PCLO: variants seen among roughly 807,000 people sequenced by gnomAD.
The protein encoded by PCLO is piccolo presynaptic cytomatrix protein.
PCLO carries 82 observed loss-of-function variants against 427.5 expected under a neutral mutation model. The observed-to-expected ratio is 0.19, with a 90% CI of 0.16 to 0.23. The LOEUF (loss-of-function observed/expected upper bound fraction) is 0.23, where lower values mean the gene tolerates loss of function less well. Among genes scored for constraint, PCLO ranks in the 10% least tolerant of loss-of-function variants. PCLO has a pLI of 1.00. For synonymous variants in PCLO, 2,357 were observed against 2,155.4 expected, an observed-to-expected ratio of 1.09 and a Z score of -2.59; for missense variants, 6,239 against 6,115.9, an observed-to-expected ratio of 1.02 and a Z score of -0.67.
chr7:82,794,491 A>G, intron 22 of PCLO, among the ~76,000 whole-genome samples: 1 of 11,994 alleles, frequency 8.3e-5, no homozygotes, highest in African/African-American at 1.3e-4. Flanking sequence ...TTTTTTTTTG[A>G]GACACAGTCT....
chr7:83,154,775 A>G lies in PCLO; in HGVS notation c.1866T>C (p.Gly622=), dbSNP rs1293518036. ...ECQTTVCSLC[G]FNPNPHLTEV... is the part of the protein sequence containing the mutation. ...CCGTTAAATGAGGATTGGGATTAAA[A>G]CCACAGAGACTACAGACAGTGGTTT... is the stretch of plus-strand genomic sequence containing the variant. Residue 622 remains glycine, a synonymous_variant, in exon 2 of 25, where the codon GGT becomes GGC. Coordinates refer to ENST00000333891, the MANE Select transcript of PCLO (RefSeq NM_033026.6). The G allele has an allele frequency of 1.2e-5, 20 of 1,613,942 alleles. No individual in the cohort carries two copies. Among genetic ancestry groups the G allele is most frequent in the Non-Finnish European group, 1.6e-5 (19 of 1,179,830 alleles).
At position 82,916,351 on chromosome 7, in the gene PCLO, C is replaced by G; in HGVS notation, c.11635G>C (p.Val3879Leu). ...TGTGTGTAAGGACTTGTCGGAGGAA[C>G]TAGTTGAGATTCTGTTTGGGTTTGT... is the stretch of plus-strand genomic sequence containing the variant. ...PPQTQTESQL[V>L]PPTSPYTQYQ... The change falls in exon 7 of 25, where the codon GTT becomes CTT. Residue 3879 changes from valine to leucine, a missense_variant. Transcript: ENST00000333891. 6.2e-7 allele frequency: 1 copy of G among 1,613,608 alleles called. No individual in the cohort carries two copies. Among genetic ancestry groups the G allele is most frequent in the Non-Finnish European group, 8.5e-7 (1 of 1,179,726 alleles).
chr7:82,855,234 T>C (rs753387491), intron 10 of PCLO, among the ~76,000 whole-genome samples: 5 of 152,154 alleles, frequency 3.3e-5, no homozygotes, highest in Non-Finnish European at 7.4e-5. Context: ...TAATGTTATA[T>C]AGTAAGCAAG....
intron 9 of PCLO, among the ~76,000 whole-genome samples, chr7:82,881,618 A>C (rs961423188): frequency 6.6e-6 from 1 of 152,144 alleles, no homozygotes; most frequent in Non-Finnish European, 1.5e-5. Context: ...AATTTTCAAC[A>C]ATTACTGTTC....
intron 3 of PCLO, among the ~76,000 whole-genome samples, chr7:83,019,126 GTGAA>G (rs1452272693): frequency 2.0e-4 from 30 of 151,942 alleles, no homozygotes; most frequent in Non-Finnish European, 4.1e-4. Context: ...GAGTGAATGA[GTGAA>G]TGAATAAGTG....
intron 22 of PCLO, among the ~76,000 whole-genome samples, chr7:82,795,412 T>C (rs1583983467): frequency 6.6e-6 from 1 of 152,296 alleles, no homozygotes; most frequent in East Asian, 1.9e-4. Flanking sequence ...ACCTGTAATG[T>C]AAATGGTGTT....
chr7:83,089,799 T>C (rs2116433353), intron 3 of PCLO, among the ~76,000 whole-genome samples: 1 of 152,290 alleles, frequency 6.6e-6, no homozygotes, highest in East Asian at 1.9e-4. Flanking sequence ...TACTACATCA[T>C]GTCTTGTCAT....
intron 2 of PCLO, among the ~76,000 whole-genome samples, chr7:83,153,677 A>G (rs2116680841): frequency 6.6e-6 from 1 of 152,256 alleles, no homozygotes. Context: ...AGGCTATTAG[A>G]TCTCTTACAA....
In PCLO at chr7:82,794,459, C is replaced by CTGTTTTTTTTTTTTTTTTTTTT. The variant is rs1554333552; in HGVS notation, c.15007+7058_15007+7059insAAAAAAAAAAAAAAAAAAAACA. ...ACATGCTAGTTCATAAATTTTTTTT[C>CTGTTTTTTTTTTTTTTTTTTTT]TTTTTTTTTTTTTTTTTTTTTTTTT... On this transcript the variant is annotated intron_variant, in intron 22 of 24. Coordinates refer to ENST00000333891, the MANE Select transcript of PCLO (RefSeq NM_033026.6). Among the ~76,000 whole-genome samples the CTGTTTTTTTTTTTTTTTTTTTT allele has an allele frequency of 1.2e-3, 69 of 56,372 alleles. 11 individuals are homozygous for CTGTTTTTTTTTTTTTTTTTTTT. Among genetic ancestry groups the CTGTTTTTTTTTTTTTTTTTTTT allele is most frequent in the Non-Finnish European group, 2.3e-3 (57 of 24,448 alleles). The allele number at this position is 56,372 out of a possible 152,430, so 37.0% of individuals were successfully genotyped here. A position where few individuals can be genotyped will look rare whatever the true frequency, so the allele number is the denominator to read the frequency against.
At chr7:82,792,035 G>T (rs1180100423) in intron 22 of PCLO, among the ~76,000 whole-genome samples, 1 of 151,784 alleles carries the variant, frequency 6.6e-6, no homozygotes, top group Non-Finnish European at 1.5e-5. Flanking sequence ...TTCCTCCAGA[G>T]ATTTTGTATT....
intron 22 of PCLO, among the ~76,000 whole-genome samples, chr7:82,763,225 T>A (rs962287115): frequency 4.0e-4 from 61 of 152,058 alleles, no homozygotes; most frequent in African/African-American, 1.5e-3. Flanking sequence ...ATAAATAAAG[T>A]GTCTACTAGC....
intron 3 of PCLO, among the ~76,000 whole-genome samples, chr7:83,070,664 G>C (rs1400986396): frequency 6.6e-6 from 1 of 152,202 alleles, no homozygotes; most frequent in African/African-American, 2.4e-5. Context: ...TGGGATTACA[G>C]GCGTGAGCCA....
At chr7:82,846,014 CATA>C (rs1175306450) in intron 12 of PCLO, among the ~76,000 whole-genome samples, 1 of 151,976 alleles carries the variant, frequency 6.6e-6, no homozygotes, top group East Asian at 1.9e-4. Flanking sequence ...ATTTATTAAA[CATA>C]GGAAAAAGTG....
intron 22 of PCLO, among the ~76,000 whole-genome samples, chr7:82,779,730 T>TTTTC (rs1223153649): frequency 5.7e-5 from 8 of 140,556 alleles, no homozygotes; most frequent in Non-Finnish European, 9.3e-5. Context: ...CTATATTTTT[T>TTTTC]TTTCTTTCTT....
At chr7:82,847,050 A>G (rs1277191128) in intron 11 of PCLO, 89 bp downstream of exon 11, 7 of 655,244 alleles carry the variant, frequency 1.1e-5, no homozygotes, top group South Asian at 5.7e-5. Context: ...AAATCTTGCT[A>G]ACTGGCAAAG....
intron 3 of PCLO, among the ~76,000 whole-genome samples, chr7:83,076,273 C>T (rs1789949296): frequency 6.6e-6 from 1 of 151,718 alleles, no homozygotes; most frequent in African/African-American, 2.4e-5. Flanking sequence ...GAGCCATTCA[C>T]TTCTTTTTTT....
At chr7:83,086,511 A>G (rs974705063) in intron 3 of PCLO, among the ~76,000 whole-genome samples, 2 of 152,180 alleles carry the variant, frequency 1.3e-5, no homozygotes, top group Non-Finnish European at 2.9e-5. Context: ...TTCCTAAGAT[A>G]GAGGTCTATA....
intron 10 of PCLO, among the ~76,000 whole-genome samples, chr7:82,850,037 C>T (rs2115838012): frequency 2.0e-5 from 3 of 152,098 alleles, no homozygotes; most frequent in African/African-American, 7.2e-5. Context: ...GAGACAGGGT[C>T]TTGCACTATC....
At chr7:83,159,176 GTTTTAC>G (rs1792374015) in intron 1 of PCLO, among the ~76,000 whole-genome samples, 2 of 151,932 alleles carry the variant, frequency 1.3e-5, no homozygotes, top group South Asian at 4.1e-4. Context: ...TCATGTATTC[GTTTTAC>G]TTTAATGTTT....
Sources: gnomAD v4.1 joint callset for allele counts (sites outside exome capture counted in the v4.1 genomes callset) on GRCh38, gnomAD v4.1.1 for gene constraint, MANE v1.5 for transcripts, NCBI Gene and HGNC (gene_info 2026-07-23, HGNC 2026-07-21) for gene names.